FSTL5: variants seen among roughly 807,000 people sequenced by gnomAD.
FSTL5 encodes follistatin-related protein 5.
A neutral mutation model predicts 89.1 loss-of-function variants in FSTL5; 62 were observed. The observed-to-expected ratio is 0.70, with a 90% CI of 0.57 to 0.86. The LOEUF is 0.86. FSTL5 is among the 40% of genes least tolerant of loss of function. The probability of loss-of-function intolerance (pLI) is 0.00; values close to 1 mark genes in which losing one functional copy is unlikely to be tolerated. For missense variants in FSTL5, 1,057 were observed against 1,001.6 expected (o/e 1.06, Z -0.75); for synonymous variants, 383 against 346.2 (o/e 1.11, Z -1.18).
At chr4:161,856,469 A>G (rs1257161566) in intron 4 of FSTL5, among the ~76,000 whole-genome samples, 3 of 152,018 alleles carry the variant, frequency 2.0e-5, no homozygotes, top group East Asian at 3.9e-4. Context: ...AAGCAACACT[A>G]TGGTTTACTT....
chr4:161,708,837 T>C (rs78617040), intron 6 of FSTL5, among the ~76,000 whole-genome samples: 10,682 of 152,214 alleles, frequency 0.07, 469 homozygotes, highest in East Asian at 0.2. Flanking sequence ...AATATATGTT[T>C]GGGGTATTTA....
In FSTL5 at chr4:161,386,306, AAGT is replaced by A. The variant is rs773266822; in HGVS notation, c.1982_1984del (p.Tyr661del). The A allele has an allele frequency of 6.1e-5, 98 of 1,613,868 alleles. No individual in the cohort carries two copies. The highest frequency in any genetic ancestry group is 8.1e-5 in the Non-Finnish European group (95 of 1,179,960). On this transcript the variant is annotated inframe_deletion, in exon 16 of 16. Transcript: ENST00000306100. Reference sequence around the variant, plus strand: ...GGTGCTGTCAGGTTTGCAGCCAATGAAGTAGTAGCCTCCCAAGTGTGTATATGC... The same window carrying A: ...GGTGCTGTCAGGTTTGCAGCCAATGAAGTAGCCTCCCAAGTGTGTATATGC...
chr4:161,948,485 C>CTTTTTTTT (rs35577056), intron 3 of FSTL5, among the ~76,000 whole-genome samples: 18 of 114,112 alleles, frequency 1.6e-4, no homozygotes, highest in Non-Finnish European at 2.2e-4. Flanking sequence ...TCTTTTCTTT[C>CTTTTTTTT]TTTTTTTTTT....
At chr4:161,948,485 C>CTTTTTTTTTTTT (rs35577056) in intron 3 of FSTL5, among the ~76,000 whole-genome samples, 27 of 114,098 alleles carry the variant, frequency 2.4e-4, no homozygotes, top group Non-Finnish European at 4.1e-4. Context: ...TCTTTTCTTT[C>CTTTTTTTTTTTT]TTTTTTTTTT....
chr4:161,837,298 G>T (rs1466570784), intron 4 of FSTL5, among the ~76,000 whole-genome samples: 1 of 151,880 alleles, frequency 6.6e-6, no homozygotes, highest in Non-Finnish European at 1.5e-5. Context: ...CAAGAAATAG[G>T]AGTCCATGAA....
rs184354825 is a variant in FSTL5 at position 162,091,478 on chromosome 4, G to A, written c.126+19793C>T. 2.1e-3 allele frequency among the ~76,000 whole-genome samples: 314 copies of A among 152,112 alleles called. 1 individual carries two copies. Among genetic ancestry groups the A allele is most frequent in the African/African-American group, 6.9e-3 (286 of 41,490 alleles). Reference sequence around the variant, plus strand: ...TCTGAACAAGTGTCTGGGGTTTTGGGGTGGGGGGTTACTTCAAGTTTTCAT... The same window carrying A: ...TCTGAACAAGTGTCTGGGGTTTTGGAGTGGGGGGTTACTTCAAGTTTTCAT... On this transcript the variant is annotated intron_variant, in intron 2 of 15. Transcript: ENST00000306100.
intron 13 of FSTL5, among the ~76,000 whole-genome samples, chr4:161,476,417 C>T (rs1316650598): frequency 6.6e-6 from 1 of 151,988 alleles, no homozygotes. Flanking sequence ...GAACTCCTGA[C>T]CTCAGGTGAC....
At chr4:161,608,745 G>A (rs1363889278) in intron 7 of FSTL5, among the ~76,000 whole-genome samples, 7 of 151,946 alleles carry the variant, frequency 4.6e-5, no homozygotes, top group Admixed American at 1.3e-4. Flanking sequence ...GATATATGGT[G>A]TAATAATAGA....
At chr4:161,670,147 A>C (rs575581040) in intron 6 of FSTL5, among the ~76,000 whole-genome samples, 7 of 152,340 alleles carry the variant, frequency 4.6e-5, no homozygotes, top group African/African-American at 1.4e-4. Context: ...ATTTTCACTT[A>C]CTAACGAAAT....
intron 10 of FSTL5, among the ~76,000 whole-genome samples, chr4:161,528,284 T>G (rs1731298113): frequency 7.0e-6 from 1 of 142,416 alleles, no homozygotes; most frequent in African/African-American, 2.5e-5. Context: ...ACCCTAAAAC[T>G]TAAAGTATGA....
chr4:161,582,958 C>A lies in FSTL5; in HGVS notation c.1015+4497G>T, dbSNP rs191794606. ...ATCCCAGCACTTTGGGAGGCTGAAG[C>A]GGGTGAATCACGAGGTCAGCAGTTC... On this transcript the variant is annotated intron_variant, in intron 8 of 15. Coordinates refer to ENST00000306100, the MANE Select transcript of FSTL5 (RefSeq NM_020116.5). Among the ~76,000 whole-genome samples the A allele has an allele frequency of 3.6e-4, 55 of 152,102 alleles. No homozygotes were observed. The South Asian group carries it at 0.011, about 30-fold the overall frequency.
At chr4:161,877,996 C>CG (rs1553975317) in intron 4 of FSTL5, among the ~76,000 whole-genome samples, 2 of 150,902 alleles carry the variant, frequency 1.3e-5, no homozygotes, top group Admixed American at 6.6e-5. Context: ...TATTAAAAAT[C>CG]TTTTTTTTAC....
intron 8 of FSTL5, among the ~76,000 whole-genome samples, chr4:161,555,692 C>T (rs190719010): frequency 3.8e-4 from 57 of 151,650 alleles, no homozygotes; most frequent in Admixed American, 3.4e-3. Context: ...TGAAACTCTT[C>T]TGAGGATTAA....
At chr4:161,808,433 C>G (rs939084181) in intron 4 of FSTL5, among the ~76,000 whole-genome samples, 2 of 151,992 alleles carry the variant, frequency 1.3e-5, no homozygotes, top group Non-Finnish European at 2.9e-5. Flanking sequence ...AGGAAAATAA[C>G]CCGTGTCCAT....
chr4:161,426,892 TA>T (rs770016917), intron 15 of FSTL5, among the ~76,000 whole-genome samples: 2 of 152,226 alleles, frequency 1.3e-5, no homozygotes, highest in Non-Finnish European at 2.9e-5. Flanking sequence ...AAAATACACA[TA>T]TTTTTTACCA....
At chr4:161,414,747 T>G (rs1439954913) in intron 15 of FSTL5, among the ~76,000 whole-genome samples, 1 of 152,180 alleles carries the variant, frequency 6.6e-6, no homozygotes, top group Non-Finnish European at 1.5e-5. Flanking sequence ...TTAACAGACA[T>G]TATTTTCTTT....
intron 4 of FSTL5, among the ~76,000 whole-genome samples, chr4:161,853,519 C>T (rs115293787): frequency 0.017 from 2,549 of 151,332 alleles, 35 homozygotes; most frequent in Non-Finnish European, 0.029. Flanking sequence ...ACACCTGCCT[C>T]GGCCTCCCTC....
chr4:161,591,242 G>A (rs1204591472), intron 7 of FSTL5, among the ~76,000 whole-genome samples: 1 of 152,142 alleles, frequency 6.6e-6, no homozygotes, highest in African/African-American at 2.4e-5. Context: ...CTAATTATAT[G>A]ACATGTCCAG....
chr4:161,869,980 C>A (rs1258872250), intron 4 of FSTL5, among the ~76,000 whole-genome samples: 1 of 152,116 alleles, frequency 6.6e-6, no homozygotes, highest in South Asian at 2.1e-4. Flanking sequence ...TCTACTCTCC[C>A]ACTGAAACTG....
Sources: allele counts gnomAD v4.1 joint callset (sites outside exome capture counted in the v4.1 genomes callset), GRCh38; gene constraint gnomAD v4.1.1; transcripts MANE v1.5; gene names NCBI Gene and HGNC (gene_info 2026-07-23, HGNC 2026-07-21).